RREB1: variants seen among roughly 807,000 people sequenced by gnomAD.
RREB1 encodes the protein ras responsive element binding protein 1.
RREB1 carries 27 observed loss-of-function variants against 117.8 expected under a neutral mutation model. The observed-to-expected ratio is 0.23, with a 90% CI of 0.17 to 0.32. The LOEUF is 0.32. RREB1 is among the 10% of genes least tolerant of loss of function. The pLI is 1.00. For synonymous variants in RREB1, 1,298 were observed against 1,026.7 expected (o/e 1.26, Z -5.05); for missense variants, 2,577 against 2,378.2 (o/e 1.08, Z -1.74).
intron 10 of RREB1, 62 bp from the exon 11 acceptor site, chr6:7,240,376 C>T (rs536467364): frequency 2.2e-5 from 31 of 1,420,436 alleles, no homozygotes; most frequent in South Asian, 2.6e-5. Flanking sequence ...TAAACAAAAG[C>T]GACTTTTCTA....
At chr6:7,217,382 G>A (rs902974662) in intron 8 of RREB1, 7 of 152,248 alleles carry the variant, frequency 4.6e-5, no homozygotes, top group African/African-American at 1.2e-4. Flanking sequence ...GCAGCTTCTC[G>A]GCAGGTATTT....
Position 7,249,092 on chromosome 6 carries a change from AGAG to A in RREB1, c.*125_*127del. The A allele has an allele frequency of 1.2e-6, 1 of 811,782 alleles. No individual in the cohort carries two copies. 50.3% of individuals were successfully genotyped at this position (811,782 alleles called of 1,614,324 possible). A position where few individuals can be genotyped will look rare whatever the true frequency, so the allele number is the denominator to read the frequency against. On this transcript the variant is annotated 3_prime_UTR_variant, in exon 13 of 13. Coordinates refer to ENST00000379938, the MANE Select transcript of RREB1 (RefSeq NM_001003699.4). ...GAGAGAGAGAGAGAGAGAGAGAGAG[AGAG>A]AGAGAGAGACAAGCAGGAGCGTGGC...
intron 1 of RREB1, among the ~76,000 whole-genome samples, chr6:7,130,259 A>G (rs1008186954): frequency 7.9e-5 from 12 of 152,210 alleles, no homozygotes; most frequent in African/African-American, 2.7e-4. Context: ...AAAAACCTGC[A>G]AAGTAGTAGT....
chr6:7,113,884 A>G (rs1029464490), intron 1 of RREB1, among the ~76,000 whole-genome samples: 1 of 152,136 alleles, frequency 6.6e-6, no homozygotes, highest in Non-Finnish European at 1.5e-5. Context: ...ACCTCATGAG[A>G]TTGTTGTAAG....
At chr6:7,135,648 G>T (rs1449717909) in intron 1 of RREB1, among the ~76,000 whole-genome samples, 1 of 152,200 alleles carries the variant, frequency 6.6e-6, no homozygotes, top group East Asian at 1.9e-4. Context: ...TTAGCTACAG[G>T]AAAAGCATCT....
rs890327683 is a variant in RREB1, at chr6:7,226,570, A to T, written c.811A>T (p.Ile271Leu). 2.8e-5 allele frequency: 46 copies of T among 1,614,078 alleles called. No homozygotes were observed. The highest frequency in any genetic ancestry group is 3.6e-5 in the Non-Finnish European group (42 of 1,180,024). Residue 271 changes from isoleucine to leucine, a missense_variant, in exon 9 of 13, where the codon ATA becomes TTA. Transcript: ENST00000379938. Reference sequence around the variant, plus strand: ...CAGGGATGCAATGGGCAGACCTTTCATACAGAACAACCCTTCAATTCCTGC... The same window carrying T: ...CAGGGATGCAATGGGCAGACCTTTCTTACAGAACAACCCTTCAATTCCTGC... ...LPRDAMGRPF[I>L]QNNPSIPAGF...
intron 6 of RREB1, among the ~76,000 whole-genome samples, chr6:7,189,959 TAC>T (rs1765315820): frequency 6.6e-6 from 1 of 152,230 alleles, no homozygotes; most frequent in Non-Finnish European, 1.5e-5. Flanking sequence ...TTGAGGGGTT[TAC>T]TTTTCCATAT....
intron 1 of RREB1, among the ~76,000 whole-genome samples, chr6:7,173,142 G>A (rs1158935802): frequency 2.0e-5 from 3 of 152,140 alleles, no homozygotes; most frequent in Non-Finnish European, 4.4e-5. Flanking sequence ...GTCAAGTGTT[G>A]TAAAACCCAC....
chr6:7,172,513 G>A (rs991372646), intron 1 of RREB1, among the ~76,000 whole-genome samples: 3 of 152,112 alleles, frequency 2.0e-5, no homozygotes, highest in Non-Finnish European at 4.4e-5. Flanking sequence ...GTCCCAAAGT[G>A]GTGGGATTAT....
Position 7,181,159 on chromosome 6 carries a change from G to T in RREB1, c.-130G>T. 2.5e-6 allele frequency: 1 copy of T among 398,620 alleles called. No individual in the cohort carries two copies. Among genetic ancestry groups the T allele is most frequent in the East Asian group, 3.6e-5 (1 of 28,080 alleles). 24.7% of individuals were successfully genotyped at this position (398,620 alleles called of 1,614,324 possible). On this transcript the variant is annotated 5_prime_UTR_variant, in exon 3 of 13. Transcript: ENST00000379938. ...TACTACCAAGAGAAGAAGACAAGAG[G>T]TCAACACAGACTCATTTTCTACTCC...
Position 7,229,878 on chromosome 6 carries a change from G to A in RREB1, c.1779G>A (p.Lys593=). 1.2e-6 allele frequency: 2 copies of A among 1,610,764 alleles called. No individual in the cohort carries two copies. The highest frequency in any genetic ancestry group is 1.7e-6 in the Non-Finnish European group (2 of 1,178,534). ...RAELPGQPEM[K]TQLEQDSIIE... The stretch of plus-strand genomic sequence containing the variant: ...AGCTGCCGGGCCAGCCTGAGATGAA[G>A]ACGCAGCTGGAGCAGGACAGCATCA... The change falls in exon 10 of 13, where the codon AAG becomes AAA. Residue 593 remains lysine, a synonymous_variant. Transcript: ENST00000379938. This position sits in a 1 kb window ranked among gnomAD's most constrained non-coding sequence, Gnocchi z 4.5.
intron 6 of RREB1, among the ~76,000 whole-genome samples, chr6:7,194,512 C>G (rs1477164081): frequency 6.6e-6 from 1 of 152,198 alleles, no homozygotes; most frequent in Non-Finnish European, 1.5e-5. Flanking sequence ...GATCTTGCCA[C>G]TGCACTCCAG....
intron 1 of RREB1, among the ~76,000 whole-genome samples, chr6:7,109,398 G>T (rs1761024275): frequency 6.6e-6 from 1 of 152,152 alleles, no homozygotes; most frequent in Non-Finnish European, 1.5e-5. Flanking sequence ...TCCCTGGGAA[G>T]CGGCGTGTTT....
At chr6:7,184,406 C>CT (rs74433641) in intron 4 of RREB1, 30,081 of 140,530 alleles carry the variant, frequency 0.21, 3,140 homozygotes, top group East Asian at 0.27. Flanking sequence ...TGATATCTGG[C>CT]TTTTTTTTTT....
At chr6:7,238,109 C>T (rs1768457987) in intron 10 of RREB1, among the ~76,000 whole-genome samples, 1 of 152,186 alleles carries the variant, frequency 6.6e-6, no homozygotes, top group Non-Finnish European at 1.5e-5. Context: ...CAGTTCTTTT[C>T]TCAATCTGGC....
chr6:7,129,015 C>G (rs1384214558), intron 1 of RREB1, among the ~76,000 whole-genome samples: 2 of 152,186 alleles, frequency 1.3e-5, no homozygotes. Context: ...TTGAATACCT[C>G]CAGCTTCATC....
intron 1 of RREB1, among the ~76,000 whole-genome samples, chr6:7,148,350 T>A (rs993695386): frequency 6.6e-6 from 1 of 151,898 alleles, no homozygotes; most frequent in East Asian, 1.9e-4. Flanking sequence ...GCAGAAAAGA[T>A]GTTAGGGGAT....
Position 7,209,492 on chromosome 6 carries a change from A to G in RREB1, c.426-1312A>G, listed in dbSNP as rs117697343. Among the ~76,000 whole-genome samples, 322 of 152,168 alleles carry G rather than the reference A, an allele frequency of 2.1e-3. 1 individual carries two copies. Among genetic ancestry groups the G allele is most frequent in the East Asian group, 0.02 (102 of 5,186 alleles). ...GCTTAGAACAAAGCTACTTGTTCCC[A>G]TTAACTTTCACAAGGCTTTAGGAGG... On this transcript the variant is annotated intron_variant, in intron 6 of 12. Transcript: ENST00000379938.
At chr6:7,138,459 A>G (rs1762432651) in intron 1 of RREB1, among the ~76,000 whole-genome samples, 2 of 152,234 alleles carry the variant, frequency 1.3e-5, no homozygotes, top group Admixed American at 1.3e-4. Context: ...AAACAGTAAC[A>G]AAAGAATCTC....
Sources: gnomAD v4.1 joint callset for allele counts (sites outside exome capture counted in the v4.1 genomes callset) on GRCh38, gnomAD v4.1.1 for gene constraint, Gnocchi (gnomAD v3.1) non-coding constraint, MANE v1.5 for transcripts, NCBI Gene and HGNC (gene_info 2026-07-23, HGNC 2026-07-21) for gene names.